The following HIP1 variants were observed in gnomAD, a reference collection of about 807,000 sequenced individuals.
HIP1 encodes huntingtin-interacting protein 1.
Under a neutral mutation model 147.6 loss-of-function variants are expected in HIP1, and 65 were observed. The ratio of observed to expected loss-of-function variants is 0.44; its 90% CI spans 0.36 to 0.54. The LOEUF (loss-of-function observed/expected upper bound fraction) is 0.54. HIP1 is among the 20% of genes least tolerant of loss of function. The pLI, the probability that HIP1 is intolerant of heterozygous loss-of-function variation, is 0.00. For missense variants in HIP1, 1,061 were observed against 1,299.6 expected, an observed-to-expected ratio of 0.82 and a Z score of 2.82; for synonymous variants, 479 against 504.0, an observed-to-expected ratio of 0.95 and a Z score of 0.67.
At chr7:75,662,823 G>C (rs965577089) in intron 1 of HIP1, among the ~76,000 whole-genome samples, 1 of 152,072 alleles carries the variant, frequency 6.6e-6, no homozygotes, top group Non-Finnish European at 1.5e-5. Flanking sequence ...AGGACACGAG[G>C]GCCTGTTTTT....
chr7:75,595,255 C>CTTTCTTTCTTTCTTTCTTT lies in HIP1; in HGVS notation c.185-2742_185-2741insAAAGAAAGAAAGAAAGAAA, dbSNP rs1491555852. Reference sequence around the variant, plus strand: ...TTCTTTCTTTCTTTCTTTCTTTCTTCCTTCCTTCCTTCCTTCCTTCCTTCC... The same window carrying CTTTCTTTCTTTCTTTCTTT: ...TTCTTTCTTTCTTTCTTTCTTTCTTCTTTCTTTCTTTCTTTCTTTCTTCCTTCCTTCCTTCCTTCCTTCC... On this transcript the variant is annotated intron_variant, in intron 2 of 30. Transcript: ENST00000336926. 6.4e-4 allele frequency among the ~76,000 whole-genome samples: 44 copies of CTTTCTTTCTTTCTTTCTTT among 68,308 alleles called. 1 individual carries two copies. The highest frequency in any genetic ancestry group is 1.0e-3 in the Non-Finnish European group (32 of 32,024). 44.8% of individuals were successfully genotyped at this position (68,308 alleles called of 152,430 possible).
chr7:75,629,052 A>G (rs1471790226), intron 1 of HIP1, among the ~76,000 whole-genome samples: 4 of 152,186 alleles, frequency 2.6e-5, no homozygotes, highest in African/African-American at 9.6e-5. Flanking sequence ...AAATCCAGCA[A>G]GAAAAAGTTA....
chr7:75,632,162 C>T (rs1798247899), intron 1 of HIP1, among the ~76,000 whole-genome samples: 1 of 152,088 alleles, frequency 6.6e-6, no homozygotes, highest in Non-Finnish European at 1.5e-5. Flanking sequence ...CGTGGTCGCC[C>T]TTGGTGCATT....
chr7:75,643,302 G>T (rs987808903), intron 1 of HIP1, among the ~76,000 whole-genome samples: 1 of 152,150 alleles, frequency 6.6e-6, no homozygotes. Flanking sequence ...GTTTACAAAA[G>T]GTATTTTTAC....
At position 75,666,486 on chromosome 7, in the gene HIP1, A is replaced by T. The variant is rs1003857001; in HGVS notation, c.121-67239T>A. ...TGCCAGGCCCATGCATTATATATTT[A>T]AAAAATAGATACAATCAATAAAAGA... On this transcript the variant is annotated intron_variant, in intron 1 of 30. Coordinates refer to ENST00000336926, the MANE Select transcript of HIP1 (RefSeq NM_005338.7). Among the ~76,000 whole-genome samples, 21 of 152,304 alleles carry T rather than the reference A, an allele frequency of 1.4e-4. No homozygotes were observed. In the Middle Eastern group the frequency reaches 0.01, roughly 74 times the overall value.
chr7:75,592,263 CA>C, intron 3 of HIP1, 108 bp downstream of exon 3: 2 of 1,453,824 alleles, frequency 1.4e-6, no homozygotes, highest in Admixed American at 1.8e-5. Flanking sequence ...ACCCAAAGGC[CA>C]GGAGAAGGGG....
intron 11 of HIP1, among the ~76,000 whole-genome samples, chr7:75,562,658 T>C (rs1173818106): frequency 6.6e-6 from 1 of 152,116 alleles, no homozygotes; most frequent in Non-Finnish European, 1.5e-5. Flanking sequence ...AGATGGGGCC[T>C]TACTATGTTG....
intron 22 of HIP1, among the ~76,000 whole-genome samples, chr7:75,551,285 C>T (rs1380998583): frequency 4.1e-5 from 6 of 145,726 alleles, no homozygotes; most frequent in African/African-American, 1.5e-4. Context: ...GCAGCCTCCG[C>T]CTCCCAGGCT....
chr7:75,640,383 G>C (rs1182743370), intron 1 of HIP1, among the ~76,000 whole-genome samples: 2 of 152,232 alleles, frequency 1.3e-5, no homozygotes, highest in Non-Finnish European at 2.9e-5. Context: ...AAGCCCAGAA[G>C]GGCTTCCCAT....
chr7:75,554,456 A>G lies in HIP1; in HGVS notation c.2034T>C (p.Tyr678=), dbSNP rs781874578. Residue 678 remains tyrosine, a synonymous_variant, in exon 20 of 31, where the codon TAT becomes TAC. Coordinates refer to ENST00000336926, the MANE Select transcript of HIP1 (RefSeq NM_005338.7). The part of the protein sequence containing the change: ...IEQLEKSWSQ[Y]LACPEDISGL... ...CATTCTTACCTTCTGGGCAGGCCAG[A>G]TACTGGCTCCAGCTTTTCTCCAGTT... is the stretch of plus-strand genomic sequence containing the variant. The G allele has an allele frequency of 2.0e-5, 33 of 1,613,680 alleles. No homozygotes were observed. Among genetic ancestry groups the G allele is most frequent in the Non-Finnish European group, 2.8e-5 (33 of 1,179,752 alleles).
chr7:75,563,921 C>A (rs1171173223), intron 9 of HIP1, among the ~76,000 whole-genome samples: 2 of 152,222 alleles, frequency 1.3e-5, no homozygotes, highest in South Asian at 4.1e-4. Context: ...GAGGCAGGGT[C>A]TTGCTCTGTC....
chr7:75,678,274 T>C (rs940124060), intron 1 of HIP1, among the ~76,000 whole-genome samples: 3 of 152,028 alleles, frequency 2.0e-5, no homozygotes, highest in Non-Finnish European at 4.4e-5. Context: ...TTGTTGCAAA[T>C]TAGCAAGAGA....
chr7:75,620,070 C>CTATCA (rs1797794363), intron 1 of HIP1, among the ~76,000 whole-genome samples: 4 of 152,244 alleles, frequency 2.6e-5, no homozygotes, highest in Admixed American at 6.5e-5. Context: ...TCTGGAAGGC[C>CTATCA]TATCATATGC....
In HIP1 at chr7:75,537,661, GGTAGTGTCCTGGTT is replaced by G; in HGVS notation, c.*497_*510del. On this transcript the variant is annotated 3_prime_UTR_variant, in exon 31 of 31. Coordinates refer to ENST00000336926, the MANE Select transcript of HIP1 (RefSeq NM_005338.7). ...GTCCTTCTGACTGTGCAGATCTCAG[GGTAGTGTCCTGGTT>G]TGGAATCCATCAGCCCTCTGATGCT... 4.3e-6 allele frequency: 1 copy of G among 233,872 alleles called. No homozygotes were observed. The highest frequency in any genetic ancestry group is 8.4e-6 in the Non-Finnish European group (1 of 118,820). 14.5% of individuals were successfully genotyped at this position (233,872 alleles called of 1,614,324 possible). A position where few individuals can be genotyped will look rare whatever the true frequency, so the allele number is the denominator to read the frequency against.
chr7:75,682,429 T>TA (rs2117274051), intron 1 of HIP1, among the ~76,000 whole-genome samples: 1 of 148,320 alleles, frequency 6.7e-6, no homozygotes, highest in African/African-American at 2.6e-5. Context: ...GCCAGCTAGT[T>TA]TTTTTTTTTT....
At chr7:75,694,950 A>G (rs1425120109) in intron 1 of HIP1, among the ~76,000 whole-genome samples, 39 of 151,812 alleles carry the variant, frequency 2.6e-4, no homozygotes, top group Admixed American at 2.4e-3. Flanking sequence ...TTTTTGTTTT[A>G]TGAGGCACTG....
rs369387848 is a variant in HIP1 at position 75,716,835 on chromosome 7, GA to G, written c.120+21965del. Among the ~76,000 whole-genome samples, 29 of 151,058 alleles carry G rather than the reference GA, an allele frequency of 1.9e-4. No individual in the cohort carries two copies. In the East Asian group the frequency reaches 3.5e-3, roughly 18 times the overall value. The stretch of plus-strand genomic sequence containing the variant: ...CGCCCAGCTTTTTTTTAGGGGGGGG[GA>G]AAGGATCTCACTCTGTCACTCAGTC... On this transcript the variant is annotated intron_variant, in intron 1 of 30. Coordinates refer to ENST00000336926, the MANE Select transcript of HIP1 (RefSeq NM_005338.7).
intron 3 of HIP1, 119 bp from the exon 4 acceptor site, chr7:75,592,231 A>G (rs1037451716): frequency 5.7e-5 from 77 of 1,356,948 alleles, no homozygotes; most frequent in Non-Finnish European, 7.7e-5. Context: ...TGGGAGGGAG[A>G]CTCACCCAAC....
chr7:75,687,419 C>T (rs868926142), intron 1 of HIP1, among the ~76,000 whole-genome samples: 19 of 152,290 alleles, frequency 1.2e-4, no homozygotes, highest in Admixed American at 5.2e-4. Context: ...GGGCCGGGCA[C>T]GGTGGCTCAT....
Sources: allele counts gnomAD v4.1 joint callset (sites outside exome capture counted in the v4.1 genomes callset), GRCh38; gene constraint gnomAD v4.1.1; transcripts MANE v1.5; gene names NCBI Gene and HGNC (gene_info 2026-07-23, HGNC 2026-07-21).